The following DSCAM variants were observed in gnomAD, a reference collection of about 807,000 sequenced individuals.
DSCAM encodes the protein DS cell adhesion molecule, also known as cell adhesion molecule DSCAM.
A neutral mutation model predicts 217.7 loss-of-function variants in DSCAM; 47 were observed. The ratio of observed to expected loss-of-function variants is 0.22; its 90% CI spans 0.17 to 0.28. The LOEUF (loss-of-function observed/expected upper bound fraction) is 0.28. DSCAM is among the 10% of genes least tolerant of loss of function. DSCAM has a pLI of 1.00. For missense variants in DSCAM, 2,080 were observed against 2,618.3 expected (o/e 0.79, Z 4.49); for synonymous variants, 1,056 against 1,015.3 (o/e 1.04, Z -0.76).
chr21:40,748,594 A>C (rs2091197600), intron 1 of DSCAM, among the ~76,000 whole-genome samples: 1 of 152,128 alleles, frequency 6.6e-6, no homozygotes, highest in Non-Finnish European at 1.5e-5. Flanking sequence ...GAGGACACAA[A>C]AAATTAGAAA....
In DSCAM at chr21:40,716,594, A is replaced by G. The variant is rs557783919; in HGVS notation, c.44-7823T>C. Among the ~76,000 whole-genome samples, 5 of 152,316 alleles carry G rather than the reference A, an allele frequency of 3.3e-5. No homozygotes were observed. The South Asian group carries it at 1.0e-3, about 32-fold the overall frequency. On this transcript the variant is annotated intron_variant, in intron 1 of 32. Coordinates refer to ENST00000400454, the MANE Select transcript of DSCAM (RefSeq NM_001389.5). ...ATCCCTGTAACAGACGGCATAACCA[A>G]GGCTCCACTGACAAACATAAAGAAG...
intron 11 of DSCAM, among the ~76,000 whole-genome samples, chr21:40,272,417 T>C (rs933970571): frequency 5.9e-5 from 9 of 152,200 alleles, no homozygotes; most frequent in African/African-American, 1.9e-4. Context: ...GACAATTCCA[T>C]ACATGCTTGC....
chr21:40,241,040 A>G (rs1380357591), intron 11 of DSCAM, among the ~76,000 whole-genome samples: 2 of 152,256 alleles, frequency 1.3e-5, no homozygotes, highest in Non-Finnish European at 2.9e-5. Context: ...AAGCCCTGGA[A>G]GACAACCTAG....
At chr21:40,096,436 T>C (rs1190294624) in intron 20 of DSCAM, among the ~76,000 whole-genome samples, 1 of 152,144 alleles carries the variant, frequency 6.6e-6, no homozygotes, top group Non-Finnish European at 1.5e-5. Context: ...CTGCCTAAAT[T>C]GACTGAGACC....
rs1455223031 is a variant in DSCAM at position 40,266,339 on chromosome 21, GT to G, written c.2356+9757del. ...TAGCCAGAATGGCCATTATTAAAAA[GT>G]TAACAAACAATAGATGTTGGCATGG... On this transcript the variant is annotated intron_variant, in intron 11 of 32. Coordinates refer to ENST00000400454, the MANE Select transcript of DSCAM (RefSeq NM_001389.5). Among the ~76,000 whole-genome samples, 6 of 152,112 alleles carry G rather than the reference GT, an allele frequency of 3.9e-5. No homozygotes were observed. The East Asian group carries it at 1.2e-3, about 29-fold the overall frequency.
At chr21:40,309,123 A>G (rs2074110965) in intron 9 of DSCAM, among the ~76,000 whole-genome samples, 1 of 152,130 alleles carries the variant, frequency 6.6e-6, no homozygotes, top group Non-Finnish European at 1.5e-5. Context: ...CCCTTGCCCC[A>G]TGTCCATTTC....
chr21:40,077,191 G>T (rs1046873265), intron 26 of DSCAM, among the ~76,000 whole-genome samples: 1 of 152,162 alleles, frequency 6.6e-6, no homozygotes, highest in Non-Finnish European at 1.5e-5. Context: ...CAGAGGCCAG[G>T]GACCCCGGCT....
intron 2 of DSCAM, among the ~76,000 whole-genome samples, chr21:40,696,002 G>A (rs1309490164): frequency 2.0e-5 from 3 of 152,054 alleles, no homozygotes; most frequent in African/African-American, 7.2e-5. Flanking sequence ...CAGGGGTGCA[G>A]CCTTGATCTT....
chr21:40,844,422 G>T (rs549628683), intron 1 of DSCAM, among the ~76,000 whole-genome samples: 51 of 152,114 alleles, frequency 3.4e-4, no homozygotes, highest in African/African-American at 1.0e-3. Flanking sequence ...CAGTTCCATA[G>T]CCTTCTGCTA....
intron 11 of DSCAM, among the ~76,000 whole-genome samples, chr21:40,231,008 T>C (rs987620345): frequency 6.7e-6 from 1 of 149,414 alleles, no homozygotes; most frequent in Non-Finnish European, 1.5e-5. Context: ...CTCTCGATTA[T>C]GCTTTTTTTT....
At chr21:40,582,943 G>A (rs1313436362) in intron 3 of DSCAM, among the ~76,000 whole-genome samples, 2 of 152,178 alleles carry the variant, frequency 1.3e-5, no homozygotes, top group African/African-American at 2.4e-5. Flanking sequence ...CAATGGAAAA[G>A]CAATCCGATA....
At chr21:40,525,898 C>A (rs73902663) in intron 3 of DSCAM, among the ~76,000 whole-genome samples, 71 of 152,182 alleles carry the variant, frequency 4.7e-4, no homozygotes, top group African/African-American at 1.4e-3. Flanking sequence ...CAGACCTCAG[C>A]CATAGATAAG....
intron 3 of DSCAM, among the ~76,000 whole-genome samples, chr21:40,498,621 A>T (rs2076138148): frequency 7.8e-6 from 1 of 127,624 alleles, no homozygotes; most frequent in African/African-American, 2.8e-5. Context: ...ATATGTATAT[A>T]TGCACTATGT....
At chr21:40,801,825 C>T (rs916768132) in intron 1 of DSCAM, among the ~76,000 whole-genome samples, 7 of 152,196 alleles carry the variant, frequency 4.6e-5, no homozygotes, top group Non-Finnish European at 8.8e-5. Flanking sequence ...GATTGGCAGC[C>T]TCCACCCAGA....
Position 40,152,116 on chromosome 21 carries a change from G to GA in DSCAM, c.3019-7386dup, listed in dbSNP as rs10718861. On this transcript the variant is annotated intron_variant, in intron 16 of 32. Coordinates refer to ENST00000400454, the MANE Select transcript of DSCAM (RefSeq NM_001389.5). ...GAGTCCTTTGAAACGTAAGCATATG[G>GA]AAAAAAAAAAACACAAAAAAAACAA... Among the ~76,000 whole-genome samples, 323 of 147,054 alleles carry GA rather than the reference G, an allele frequency of 2.2e-3. 1 individual carries two copies. Among genetic ancestry groups the GA allele is most frequent in the African/African-American group, 6.9e-3 (274 of 39,534 alleles).
intron 3 of DSCAM, among the ~76,000 whole-genome samples, chr21:40,684,859 A>G (rs555157703): frequency 6.9e-4 from 105 of 152,340 alleles, no homozygotes; most frequent in African/African-American, 2.4e-3. Flanking sequence ...AGACCAGAGA[A>G]TATGCTTGTG....
At chr21:40,498,853 T>C (rs1186257123) in intron 3 of DSCAM, among the ~76,000 whole-genome samples, 1 of 139,898 alleles carries the variant, frequency 7.1e-6, no homozygotes, top group Non-Finnish European at 1.5e-5. Flanking sequence ...AGAAAAAATA[T>C]GGTACATATT....
chr21:40,062,800 A>G, intron 28 of DSCAM, 69 bp downstream of exon 28: 1 of 1,436,066 alleles, frequency 7.0e-7, no homozygotes, highest in Non-Finnish European at 9.4e-7. Flanking sequence ...AAAAAAATAG[A>G]AATCATCAAG....
intron 27 of DSCAM, among the ~76,000 whole-genome samples, chr21:40,064,294 A>G (rs946117015): frequency 6.6e-6 from 1 of 152,168 alleles, no homozygotes; most frequent in Non-Finnish European, 1.5e-5. Flanking sequence ...AAATTCAAGG[A>G]GTAAACATCC....
Sources: gnomAD v4.1 joint callset for allele counts (sites outside exome capture counted in the v4.1 genomes callset) on GRCh38, gnomAD v4.1.1 for gene constraint, MANE v1.5 for transcripts, NCBI Gene and HGNC (gene_info 2026-07-23, HGNC 2026-07-21) for gene names.